TEAD1: variants seen among roughly 807,000 people sequenced by gnomAD.
TEAD1 encodes transcriptional enhancer factor TEF-1.
In TEAD1, 9 loss-of-function variants were observed where a neutral mutation model predicts 54.9. The observed-to-expected ratio is 0.16, with a 90% CI of 0.10 to 0.29. The LOEUF (loss-of-function observed/expected upper bound fraction) is 0.29, where lower values mean the gene tolerates loss of function less well. Ranked by LOEUF, TEAD1 falls within the 10% of genes least tolerant of loss-of-function variation. TEAD1 has a pLI of 1.00. For missense variants in TEAD1, 387 were observed against 535.9 expected (o/e 0.72, Z 2.74); for synonymous variants, 200 against 187.8 (o/e 1.07, Z -0.53).
At chr11:12,807,447 C>T (rs1366286991) in intron 3 of TEAD1, among the ~76,000 whole-genome samples, 3 of 152,172 alleles carry the variant, frequency 2.0e-5, no homozygotes, top group African/African-American at 7.2e-5. Context: ...CTGGCTCTGC[C>T]ACTTCTAGTT....
intron 2 of TEAD1, among the ~76,000 whole-genome samples, chr11:12,678,603 C>T (rs1390964542): frequency 6.6e-6 from 1 of 152,164 alleles, no homozygotes; most frequent in African/African-American, 2.4e-5. Flanking sequence ...TTGACAGACA[C>T]CTTATTTAGA....
chr11:12,891,390 G>A lies in TEAD1; in HGVS notation c.699+8265G>A, dbSNP rs376224378. Among the ~76,000 whole-genome samples, 42 of 152,360 alleles carry A rather than the reference G, an allele frequency of 2.8e-4. No individual in the cohort carries two copies. The South Asian group carries it at 7.2e-3, about 26-fold the overall frequency. ...AAACTATACTGTTGGCCAGCTGGTGGCTGATGAGGACCAAACCAGGGCAGG... is the reference window on the plus strand; with the variant it reads ...AAACTATACTGTTGGCCAGCTGGTGACTGATGAGGACCAAACCAGGGCAGG... On this transcript the variant is annotated intron_variant, in intron 9 of 12. Coordinates refer to ENST00000527636, the MANE Select transcript of TEAD1 (RefSeq NM_021961.6).
At chr11:12,870,094 G>A (rs1947710616) in intron 5 of TEAD1, among the ~76,000 whole-genome samples, 1 of 151,986 alleles carries the variant, frequency 6.6e-6, no homozygotes, top group Admixed American at 6.6e-5. Flanking sequence ...TGGCCAGGCT[G>A]GTCTCGAACT....
At chr11:12,675,079 C>T (rs915817753) in intron 1 of TEAD1, among the ~76,000 whole-genome samples, 42 of 146,670 alleles carry the variant, frequency 2.9e-4, no homozygotes, top group Non-Finnish European at 3.9e-4. Flanking sequence ...CGCTGGGAGC[C>T]CGCGCGGCAA....
chr11:12,723,434 A>G (rs1261118004), intron 2 of TEAD1, among the ~76,000 whole-genome samples: 2 of 152,218 alleles, frequency 1.3e-5, no homozygotes, highest in African/African-American at 4.8e-5. Context: ...AACAAACCAA[A>G]CTAACAAAAA....
intron 9 of TEAD1, among the ~76,000 whole-genome samples, chr11:12,887,553 TC>T (rs747707417): frequency 7.9e-5 from 12 of 152,196 alleles, no homozygotes; most frequent in Non-Finnish European, 7.3e-5. Flanking sequence ...AGTACCAGCC[TC>T]TCAAGTTATA....
chr11:12,847,053 C>T (rs1241175892), intron 3 of TEAD1, among the ~76,000 whole-genome samples: 1 of 152,184 alleles, frequency 6.6e-6, no homozygotes, highest in Non-Finnish European at 1.5e-5. Flanking sequence ...TTCTTTGCAT[C>T]CCCAGTGCCT....
At chr11:12,787,430 GAGT>G (rs1945701835) in intron 3 of TEAD1, among the ~76,000 whole-genome samples, 3 of 152,200 alleles carry the variant, frequency 2.0e-5, no homozygotes, top group Non-Finnish European at 4.4e-5. Flanking sequence ...TTTGGAGAAA[GAGT>G]AGTGGTGTGG....
intron 3 of TEAD1, among the ~76,000 whole-genome samples, chr11:12,807,669 A>G (rs527664820): frequency 2.0e-5 from 3 of 152,350 alleles, no homozygotes; most frequent in Non-Finnish European, 4.4e-5. Context: ...GGGTTTATAG[A>G]AAGGTAACAT....
intron 2 of TEAD1, among the ~76,000 whole-genome samples, chr11:12,726,059 G>A (rs1944304400): frequency 6.6e-6 from 1 of 152,180 alleles, no homozygotes; most frequent in East Asian, 1.9e-4. Flanking sequence ...GGCTGTGAAT[G>A]AAACAGGCAC....
intron 2 of TEAD1, among the ~76,000 whole-genome samples, chr11:12,762,129 G>T (rs111540616): frequency 6.6e-6 from 1 of 152,112 alleles, no homozygotes; most frequent in Non-Finnish European, 1.5e-5. Flanking sequence ...GTGGCTCCTC[G>T]GAGTAAATTC....
chr11:12,862,564 G>A (rs976260078), intron 4 of TEAD1, among the ~76,000 whole-genome samples: 2 of 152,184 alleles, frequency 1.3e-5, no homozygotes, highest in Non-Finnish European at 2.9e-5. Context: ...GACGGTGTAT[G>A]AACCGCTCCT....
intron 3 of TEAD1, among the ~76,000 whole-genome samples, chr11:12,784,351 C>T (rs372450991): frequency 3.4e-4 from 51 of 152,086 alleles, no homozygotes; most frequent in African/African-American, 1.1e-3. Context: ...ATGGGGAGGG[C>T]GCCAGCAGGC....
At position 12,746,922 on chromosome 11, in the gene TEAD1, A is replaced by C. The variant is rs187838473; in HGVS notation, c.-54-17257A>C. On this transcript the variant is annotated intron_variant, in intron 2 of 12. Transcript: ENST00000527636. ...CAGGCGGGCTGGGGGTTCACCAGTG[A>C]AGACCTCAGACTGTGCGGCTCAGCA... Among the ~76,000 whole-genome samples, 154 of 152,316 alleles carry C rather than the reference A, an allele frequency of 1.0e-3. 1 individual carries two copies. The highest frequency in any genetic ancestry group is 1.4e-3 in the Non-Finnish European group (93 of 68,020).
At chr11:12,879,037 A>G in intron 5 of TEAD1, 1 of 581,316 alleles carries the variant, frequency 1.7e-6, no homozygotes, top group South Asian at 1.9e-5. Flanking sequence ...TACCTGTAGC[A>G]TCCCCTAGGC....
At chr11:12,687,995 G>T (rs1331068420) in intron 2 of TEAD1, among the ~76,000 whole-genome samples, 3 of 152,182 alleles carry the variant, frequency 2.0e-5, no homozygotes, top group African/African-American at 7.2e-5. Flanking sequence ...GTTTTGCTTT[G>T]GAATGTGCTG....
Position 12,924,905 on chromosome 11 carries a change from C to T in TEAD1, c.874-7C>T. 6.2e-7 allele frequency: 1 copy of T among 1,614,152 alleles called. No homozygotes were observed. The highest frequency in any genetic ancestry group is 8.5e-7 in the Non-Finnish European group (1 of 1,179,996). Reference sequence around the variant, plus strand: ...AATAACCCACACCTCCATTTCCTTTCCAACAGGCTGATTTAAACTGCAATA... The same window carrying T: ...AATAACCCACACCTCCATTTCCTTTTCAACAGGCTGATTTAAACTGCAATA... On this transcript the variant is annotated splice_polypyrimidine_tract_variant and splice_region_variant and intron_variant, in intron 10 of 12. Coordinates refer to ENST00000527636, the MANE Select transcript of TEAD1 (RefSeq NM_021961.6).
intron 3 of TEAD1, among the ~76,000 whole-genome samples, chr11:12,816,259 C>T (rs1477830135): frequency 2.6e-5 from 4 of 152,204 alleles, no homozygotes; most frequent in Non-Finnish European, 5.9e-5. Flanking sequence ...CTCTCTCATT[C>T]CAGTGTCTCT....
At chr11:12,682,179 C>G (rs1202883371) in intron 2 of TEAD1, among the ~76,000 whole-genome samples, 16 of 152,216 alleles carry the variant, frequency 1.1e-4, no homozygotes, top group Admixed American at 1.0e-3. Flanking sequence ...TGATTTTCTT[C>G]CCTCAATATT....
Sources: gnomAD v4.1 joint callset for allele counts (sites outside exome capture counted in the v4.1 genomes callset) on GRCh38, gnomAD v4.1.1 for gene constraint, MANE v1.5 for transcripts, NCBI Gene and HGNC (gene_info 2026-07-23, HGNC 2026-07-21) for gene names.